Variants in MMP28 observed in about 807,000 individuals in gnomAD.
The protein encoded by MMP28 is matrix metallopeptidase 28.
In MMP28, 55 loss-of-function variants were observed where a neutral mutation model predicts 60.5. That is an observed-to-expected ratio of 0.91 (90% CI 0.73 to 1.14). The LOEUF (loss-of-function observed/expected upper bound fraction) is 1.14, where lower values mean the gene tolerates loss of function less well. Ranked by LOEUF, MMP28 falls within the 50% of genes most tolerant of loss-of-function variation. The pLI, the probability that MMP28 is intolerant of heterozygous loss-of-function variation, is 0.00. For synonymous variants in MMP28, 318 were observed against 312.5 expected (o/e 1.02, Z -0.18); for missense variants, 686 against 738.3 (o/e 0.93, Z 0.82).
At chr17:35,779,971 A>C (rs967790906) in intron 1 of MMP28, among the ~76,000 whole-genome samples, 1 of 152,208 alleles carries the variant, frequency 6.6e-6, no homozygotes, top group Non-Finnish European at 1.5e-5. Context: ...ATCAGGTGCT[A>C]GCTCTGCCAT....
intron 5 of MMP28, among the ~76,000 whole-genome samples, chr17:35,769,705 T>C (rs945747844): frequency 8.6e-6 from 1 of 116,022 alleles, no homozygotes; most frequent in African/African-American, 3.4e-5. Flanking sequence ...GGGGAAGAGG[T>C]GGGCCCAAGG....
exon 3 of MMP28, chr17:35,756,281 A>T (rs1033690563): frequency 2.3e-6 from 1 of 432,458 alleles, no homozygotes; most frequent in Non-Finnish European, 3.1e-6. Context: ...TCCCTCTCTT[A>T]GAGACAGATG....
intron 1 of MMP28, among the ~76,000 whole-genome samples, chr17:35,794,356 C>T (rs992254175): frequency 4.6e-5 from 7 of 151,024 alleles, no homozygotes; most frequent in African/African-American, 1.5e-4. Flanking sequence ...AGTGATTCTC[C>T]TATCTCAGCC....
downstream of MMP28, chr17:35,764,575 A>T: frequency 6.3e-7 from 1 of 1,594,740 alleles, no homozygotes; most frequent in Non-Finnish European, 8.5e-7. Context: ...TGCGTTCTGG[A>T]TCACCCGGAT....
chr17:35,768,103 G>T, intron 6 of MMP28, 127 bp downstream of exon 6: 1 of 1,343,490 alleles, frequency 7.4e-7, no homozygotes, highest in Non-Finnish European at 1.0e-6. Flanking sequence ...GTTGCTACCT[G>T]CAGCGTGCTT....
chr17:35,766,282 C>G lies in MMP28; in HGVS notation c.*218G>C. 7.4e-7 allele frequency: 1 copy of G among 1,346,800 alleles called. No homozygotes were observed. Among genetic ancestry groups the G allele is most frequent in the Non-Finnish European group, 9.5e-7 (1 of 1,050,620 alleles). The allele number at this position is 1,346,800 out of a possible 1,614,324, so 83.4% of individuals were successfully genotyped here. ...GATCTGGGACCCTTTTTTGCTTTTC[C>G]TAAGATTGATCCCACCCCCACCTCC... is the stretch of plus-strand genomic sequence containing the variant. On this transcript the variant is annotated 3_prime_UTR_variant, in exon 8 of 8. Transcript: ENST00000605424. This position sits in a 1 kb window ranked among gnomAD's most constrained non-coding sequence, Gnocchi z 4.3.
chr17:35,773,840 G>T (rs1555606844), intron 3 of MMP28, among the ~76,000 whole-genome samples: 1 of 152,146 alleles, frequency 6.6e-6, no homozygotes, highest in African/African-American at 2.4e-5. Flanking sequence ...TGGAGGAGAG[G>T]TGGGGCCACA....
chr17:35,794,538 GT>G (rs1312879602), intron 1 of MMP28, among the ~76,000 whole-genome samples: 2 of 152,016 alleles, frequency 1.3e-5, no homozygotes, highest in African/African-American at 4.8e-5. Flanking sequence ...GAGCCACCGC[GT>G]CCGGCCTACA....
In MMP28 at chr17:35,766,347, A is replaced by G; in HGVS notation, c.*153T>C. On this transcript the variant is annotated 3_prime_UTR_variant, in exon 8 of 8. Coordinates refer to ENST00000605424, the MANE Select transcript of MMP28 (RefSeq NM_024302.5). The surrounding 1 kb of genome is among the most constrained non-coding windows in gnomAD (Gnocchi z 4.3). Reference sequence around the variant, plus strand: ...GACAAAGACAATGCTGCATTCTTCAAGGAACAAAGGCAGACAGACTTCCAG... The same window carrying G: ...GACAAAGACAATGCTGCATTCTTCAGGGAACAAAGGCAGACAGACTTCCAG... 7.1e-7 allele frequency: 1 copy of G among 1,418,320 alleles called. No homozygotes were observed. Among genetic ancestry groups the G allele is most frequent in the Non-Finnish European group, 9.2e-7 (1 of 1,088,794 alleles). 87.9% of individuals were successfully genotyped at this position (1,418,320 alleles called of 1,614,324 possible). A position where few individuals can be genotyped will look rare whatever the true frequency, so the allele number is the denominator to read the frequency against.
At chr17:35,761,980 TTTTC>T (rs377610298), downstream of MMP28, among the ~76,000 whole-genome samples, 17 of 152,042 alleles carry the variant, frequency 1.1e-4, no homozygotes, top group Non-Finnish European at 2.1e-4. Flanking sequence ...AAACGTTTCT[TTTTC>T]TTTCTTTCTT....
Position 35,779,385 on chromosome 17 carries a change from G to T in MMP28, c.112-62C>A, listed in dbSNP as rs748040829. On this transcript the variant is annotated intron_variant, in intron 1 of 7. Coordinates refer to ENST00000605424, the MANE Select transcript of MMP28 (RefSeq NM_024302.5). ...TCCTTTCCCCTCCCTTGGTCCCCAA[G>T]GGCCCAGGGCACATACATCCTGCCC... 3.6e-6 allele frequency: 5 copies of T among 1,389,528 alleles called. No individual in the cohort carries two copies. In the South Asian group the frequency reaches 6.2e-5, roughly 17 times the overall value. 86.1% of individuals were successfully genotyped at this position (1,389,528 alleles called of 1,614,324 possible).
chr17:35,782,758 C>G (rs1456139716), intron 1 of MMP28, among the ~76,000 whole-genome samples: 1 of 152,158 alleles, frequency 6.6e-6, no homozygotes, highest in African/African-American at 2.4e-5. Flanking sequence ...GTATAGCCAC[C>G]AGGTTTGGGA....
At chr17:35,787,851 A>G (rs1023770767) in intron 1 of MMP28, among the ~76,000 whole-genome samples, 13 of 147,310 alleles carry the variant, frequency 8.8e-5, no homozygotes, top group Admixed American at 1.4e-4. Flanking sequence ...ACCTCTTGCT[A>G]TAATCCCTGC....
At chr17:35,787,608 A>C (rs765926052) in intron 1 of MMP28, among the ~76,000 whole-genome samples, 2 of 152,120 alleles carry the variant, frequency 1.3e-5, no homozygotes, top group Non-Finnish European at 2.9e-5. Context: ...CTCCTGCCTC[A>C]GTCTCCCGAC....
intron 1 of MMP28, among the ~76,000 whole-genome samples, chr17:35,784,441 G>A (rs2086592077): frequency 6.6e-6 from 1 of 152,230 alleles, no homozygotes; most frequent in South Asian, 2.1e-4. Flanking sequence ...CTCACATTCT[G>A]TGGAGTGGAG....
chr17:35,787,944 G>A (rs549782280), intron 1 of MMP28, among the ~76,000 whole-genome samples: 164 of 120,800 alleles, frequency 1.4e-3, no homozygotes, highest in Non-Finnish European at 1.7e-3. Flanking sequence ...CTTGCTCGTC[G>A]CCCTGGCTGA....
At position 35,770,113 on chromosome 17, in the gene MMP28, G is replaced by A. The variant is rs1568143334; in HGVS notation, c.804C>T (p.Asp268=). 6.2e-7 allele frequency: 1 copy of A among 1,604,700 alleles called. No homozygotes were observed. The highest frequency in any genetic ancestry group is 8.5e-7 in the Non-Finnish European group (1 of 1,176,346). Residue 268 remains aspartate, a synonymous_variant, in exon 5 of 8, where the codon GAC becomes GAT. Transcript: ENST00000605424. ...MAPYYKRLGR[D]ALLSWDDVLA... ...GCACGTCGTCCCAGCTGAGCAGCGCGTCGCGGCCCAGCCTCTTGTAGTAGG... is the reference window on the plus strand; with the variant it reads ...GCACGTCGTCCCAGCTGAGCAGCGCATCGCGGCCCAGCCTCTTGTAGTAGG...
In MMP28 at chr17:35,770,081, A is replaced by G. The variant is rs759347423; in HGVS notation, c.836T>C (p.Val279Ala). ...ALLSWDDVLA[V>A]QSLYGKPLGG... ...CGGGGCCTCACCATACAGGCTCTGCACGGCCAGCACGTCGTCCCAGCTGAG... is the reference window on the plus strand; with the variant it reads ...CGGGGCCTCACCATACAGGCTCTGCGCGGCCAGCACGTCGTCCCAGCTGAG... Residue 279 changes from valine (V) to alanine (A), a missense_variant, in exon 5 of 8, where the codon GTG becomes GCG. Val to Ala is a moderately conservative substitution (Grantham distance 64). Coordinates refer to ENST00000605424, the MANE Select transcript of MMP28 (RefSeq NM_024302.5). The G allele has an allele frequency of 6.3e-7, 1 of 1,585,510 alleles. No individual in the cohort carries two copies.
At chr17:35,789,055 C>G (rs918347460) in intron 1 of MMP28, among the ~76,000 whole-genome samples, 2 of 152,218 alleles carry the variant, frequency 1.3e-5, no homozygotes, top group Non-Finnish European at 2.9e-5. Context: ...CACAACACAG[C>G]TTTGTAAGCA....
Sources: gnomAD v4.1 joint callset for allele counts (sites outside exome capture counted in the v4.1 genomes callset) on GRCh38, gnomAD v4.1.1 for gene constraint, Gnocchi (gnomAD v3.1) non-coding constraint, MANE v1.5 for transcripts, NCBI Gene and HGNC (gene_info 2026-07-23, HGNC 2026-07-21) for gene names.